IGFBP7: variants seen among roughly 807,000 people sequenced by gnomAD.
IGFBP7 encodes insulin-like growth factor-binding protein 7.
In IGFBP7, 31 loss-of-function variants were observed where a neutral mutation model predicts 29.4. The ratio of observed to expected loss-of-function variants is 1.05; its 90% CI spans 0.79 to 1.42. The LOEUF is 1.42. Among genes scored for constraint, IGFBP7 ranks in the 40% most tolerant of loss-of-function variants. The pLI is 0.00. For missense variants in IGFBP7, 393 were observed against 395.5 expected, an observed-to-expected ratio of 0.99 and a Z score of 0.05; for synonymous variants, 172 against 174.9, an observed-to-expected ratio of 0.98 and a Z score of 0.13.
chr4:57,048,042 G>C, intron 1 of IGFBP7, among the ~76,000 whole-genome samples: 1 of 147,022 alleles, frequency 6.8e-6, no homozygotes, highest in African/African-American at 2.5e-5. Flanking sequence ...CTTCTCCTTT[G>C]CCCCCCTCCG....
rs549006444 is a variant in IGFBP7, at chr4:57,047,403, C to T, written c.476-6470G>A. Among the ~76,000 whole-genome samples the T allele has an allele frequency of 5.3e-5, 8 of 152,018 alleles. No individual in the cohort carries two copies. The South Asian group carries it at 1.2e-3, about 24-fold the overall frequency. ...CTTTTTCTTATAAGTTACTCAGTCTCGGGTATGTATTTATTAGCAGCATAA... is the reference window on the plus strand; with the variant it reads ...CTTTTTCTTATAAGTTACTCAGTCTTGGGTATGTATTTATTAGCAGCATAA... On this transcript the variant is annotated intron_variant, in intron 1 of 4. Coordinates refer to ENST00000295666, the MANE Select transcript of IGFBP7 (RefSeq NM_001553.3).
intron 1 of IGFBP7, among the ~76,000 whole-genome samples, chr4:57,067,871 A>C (rs892286578): frequency 6.6e-6 from 1 of 152,226 alleles, no homozygotes; most frequent in Non-Finnish European, 1.5e-5. Flanking sequence ...CTTGTTTTTC[A>C]TAAAAAACAA....
intron 1 of IGFBP7, among the ~76,000 whole-genome samples, chr4:57,103,660 C>CTTTTTTTTTTTTTTTT (rs59173874): frequency 3.5e-5 from 3 of 86,480 alleles, no homozygotes; most frequent in Non-Finnish European, 6.2e-5. Flanking sequence ...TTTTTCTTTT[C>CTTTTTTTTTTTTTTTT]TTTTTTTTTT....
At chr4:57,083,931 T>C (rs1248344032) in intron 1 of IGFBP7, among the ~76,000 whole-genome samples, 2 of 152,356 alleles carry the variant, frequency 1.3e-5, no homozygotes, top group Non-Finnish European at 2.9e-5. Flanking sequence ...CTTAAATTTG[T>C]TCTGCATGTG....
chr4:57,074,876 A>C (rs751562458), intron 1 of IGFBP7, among the ~76,000 whole-genome samples: 5 of 152,252 alleles, frequency 3.3e-5, no homozygotes, highest in African/African-American at 4.8e-5. Flanking sequence ...CTTTGAATGC[A>C]CTAGGCACCC....
At chr4:57,101,943 C>T (rs990543030) in intron 1 of IGFBP7, among the ~76,000 whole-genome samples, 3 of 152,188 alleles carry the variant, frequency 2.0e-5, no homozygotes, top group African/African-American at 7.2e-5. Flanking sequence ...CATTTCAAAG[C>T]TTTCTAATTG....
chr4:57,048,397 C>T (rs1724419739), intron 1 of IGFBP7, among the ~76,000 whole-genome samples: 1 of 152,094 alleles, frequency 6.6e-6, no homozygotes, highest in Non-Finnish European at 1.5e-5. Flanking sequence ...CACAGACTAC[C>T]AGATTATTTT....
chr4:57,109,728 C>T, intron 1 of IGFBP7, 149 bp downstream of exon 1: 1 of 978,824 alleles, frequency 1.0e-6, no homozygotes, highest in African/African-American at 1.7e-5. Context: ...CCGCGGCTGC[C>T]AACTCTTTCC....
chr4:57,092,573 T>C (rs1401468669), intron 1 of IGFBP7, among the ~76,000 whole-genome samples: 2 of 152,006 alleles, frequency 1.3e-5, no homozygotes, highest in East Asian at 1.9e-4. Context: ...ATTGAAATGT[T>C]TTGCTTTTGG....
intron 1 of IGFBP7, among the ~76,000 whole-genome samples, chr4:57,088,675 C>A (rs1725557449): frequency 1.3e-5 from 2 of 152,058 alleles, no homozygotes; most frequent in African/African-American, 4.8e-5. Context: ...ATACTCTCAC[C>A]AACCCTTTGG....
chr4:57,102,439 T>C (rs1245452827), intron 1 of IGFBP7, among the ~76,000 whole-genome samples: 1 of 152,042 alleles, frequency 6.6e-6, no homozygotes, highest in African/African-American at 2.4e-5. Context: ...ATTTCTCAGC[T>C]CTCCTAAAGA....
intron 1 of IGFBP7, 90 bp from the exon 2 acceptor site, chr4:57,041,023 T>A: frequency 1.2e-6 from 1 of 842,490 alleles, no homozygotes; most frequent in South Asian, 1.4e-5. Context: ...ATTTTGTTTA[T>A]GAGGCCATCC....
At chr4:57,062,652 C>T (rs1317878306) in intron 1 of IGFBP7, among the ~76,000 whole-genome samples, 2 of 152,182 alleles carry the variant, frequency 1.3e-5, no homozygotes, top group Non-Finnish European at 2.9e-5. Flanking sequence ...TGTTTTCAAT[C>T]AGTGTTTAAT....
chr4:57,059,188 G>A (rs1337166904), intron 1 of IGFBP7, among the ~76,000 whole-genome samples: 2 of 152,140 alleles, frequency 1.3e-5, no homozygotes, highest in African/African-American at 4.8e-5. Flanking sequence ...GCAGTATGGC[G>A]ACTCCTCAAA....
At chr4:57,066,388 A>C (rs1724922356) in intron 1 of IGFBP7, among the ~76,000 whole-genome samples, 1 of 152,162 alleles carries the variant, frequency 6.6e-6, no homozygotes, top group Admixed American at 6.5e-5. Flanking sequence ...GTCCCTGCTG[A>C]CATACTGACT....
intron 1 of IGFBP7, among the ~76,000 whole-genome samples, chr4:57,098,408 T>A (rs1280249779): frequency 1.3e-5 from 2 of 151,020 alleles, no homozygotes; most frequent in Non-Finnish European, 3.0e-5. Flanking sequence ...CATGGAGAGG[T>A]GGGAAAGGGG....
At chr4:57,042,737 T>G (rs564986574) in intron 1 of IGFBP7, among the ~76,000 whole-genome samples, 1 of 152,374 alleles carries the variant, frequency 6.6e-6, no homozygotes, top group East Asian at 1.9e-4. Flanking sequence ...AATAAAGTTC[T>G]GTTGGAACAC....
intron 1 of IGFBP7, among the ~76,000 whole-genome samples, chr4:57,059,777 CAA>C (rs550861366): frequency 6.6e-6 from 1 of 151,502 alleles, no homozygotes; most frequent in Non-Finnish European, 1.5e-5. Flanking sequence ...ATATTTAAAA[CAA>C]AAAAAAGAAA....
At chr4:57,105,790 G>A (rs1726014377) in intron 1 of IGFBP7, among the ~76,000 whole-genome samples, 2 of 152,168 alleles carry the variant, frequency 1.3e-5, no homozygotes, top group Non-Finnish European at 2.9e-5. Flanking sequence ...AACAATGGCT[G>A]GATGCATAGC....
Sources: allele counts gnomAD v4.1 joint callset (sites outside exome capture counted in the v4.1 genomes callset), GRCh38; gene constraint gnomAD v4.1.1; transcripts MANE v1.5; gene names NCBI Gene and HGNC (gene_info 2026-07-23, HGNC 2026-07-21).